GPC5: variants seen among roughly 807,000 people sequenced by gnomAD.
The protein encoded by GPC5 is glypican 5.
A neutral mutation model predicts 53.9 loss-of-function variants in GPC5; 47 were observed. The observed-to-expected ratio is 0.87, with a 90% CI of 0.69 to 1.11. The LOEUF is 1.11. GPC5 is among the 50% of genes most tolerant of loss of function. GPC5 has a pLI of 0.00. For missense variants in GPC5, 748 were observed against 713.1 expected, an observed-to-expected ratio of 1.05 and a Z score of -0.56; for synonymous variants, 286 against 263.3, an observed-to-expected ratio of 1.09 and a Z score of -0.84.
At chr13:92,664,028 C>T (rs1252348288) in intron 7 of GPC5, among the ~76,000 whole-genome samples, 3 of 150,806 alleles carry the variant, frequency 2.0e-5, no homozygotes, top group African/African-American at 7.3e-5. Context: ...GCCGAGATTG[C>T]GCCACTGCAC....
At chr13:91,700,494 A>T (rs1005926174) in intron 3 of GPC5, among the ~76,000 whole-genome samples, 1 of 152,208 alleles carries the variant, frequency 6.6e-6, no homozygotes, top group African/African-American at 2.4e-5. Context: ...ATCTGAGCAG[A>T]GGCCTCCTAG....
At chr13:92,316,301 A>G (rs1356944452) in intron 7 of GPC5, among the ~76,000 whole-genome samples, 3 of 152,200 alleles carry the variant, frequency 2.0e-5, no homozygotes, top group Non-Finnish European at 4.4e-5. Context: ...AACTAAGTAT[A>G]AAATAATTGA....
chr13:91,438,115 TC>T (rs1447911616), intron 1 of GPC5, among the ~76,000 whole-genome samples: 1 of 152,092 alleles, frequency 6.6e-6, no homozygotes, highest in Non-Finnish European at 1.5e-5. Context: ...TCGAACTTCC[TC>T]CTTTAGCTTG....
At chr13:92,722,682 C>G (rs1033692735) in intron 7 of GPC5, among the ~76,000 whole-genome samples, 4 of 151,646 alleles carry the variant, frequency 2.6e-5, no homozygotes, top group African/African-American at 9.7e-5. Context: ...TAGGCAGGTC[C>G]TTATTATAAC....
chr13:92,061,699 G>T (rs1421941251), intron 6 of GPC5, among the ~76,000 whole-genome samples: 1 of 151,938 alleles, frequency 6.6e-6, no homozygotes. Flanking sequence ...CAGTCATGCT[G>T]TCTTGGGGAA....
intron 7 of GPC5, among the ~76,000 whole-genome samples, chr13:92,343,443 A>G (rs1418996748): frequency 1.3e-5 from 2 of 152,178 alleles, no homozygotes; most frequent in African/African-American, 4.8e-5. Context: ...CTGAAATGGA[A>G]CTGAAATCAC....
At chr13:91,912,451 T>C (rs1395586536) in intron 6 of GPC5, among the ~76,000 whole-genome samples, 1 of 152,136 alleles carries the variant, frequency 6.6e-6, no homozygotes, top group Non-Finnish European at 1.5e-5. Context: ...TAAATATTGA[T>C]ACCATTTATA....
At chr13:92,531,909 A>T (rs1881578774) in intron 7 of GPC5, among the ~76,000 whole-genome samples, 1 of 152,172 alleles carries the variant, frequency 6.6e-6, no homozygotes, top group Non-Finnish European at 1.5e-5. Flanking sequence ...GACATTTTTC[A>T]TTTAAAAGTA....
chr13:91,802,883 A>C (rs998576220), intron 5 of GPC5, among the ~76,000 whole-genome samples: 1 of 152,166 alleles, frequency 6.6e-6, no homozygotes, highest in Non-Finnish European at 1.5e-5. Context: ...CCTCACTCAT[A>C]AAAGAAGATA....
At chr13:92,673,476 G>T (rs899411243) in intron 7 of GPC5, among the ~76,000 whole-genome samples, 4 of 151,832 alleles carry the variant, frequency 2.6e-5, no homozygotes, top group Non-Finnish European at 5.9e-5. Flanking sequence ...TAGAGATGGG[G>T]TTTCACCATG....
At chr13:92,311,323 G>T (rs2043143570) in intron 7 of GPC5, among the ~76,000 whole-genome samples, 1 of 152,102 alleles carries the variant, frequency 6.6e-6, no homozygotes. Context: ...CTGCCCTTTA[G>T]GGCCATTTCA....
intron 6 of GPC5, among the ~76,000 whole-genome samples, chr13:91,967,353 A>G (rs1324543703): frequency 3.3e-5 from 5 of 152,142 alleles, no homozygotes; most frequent in African/African-American, 1.2e-4. Flanking sequence ...ACCATATTAC[A>G]TATTTATCTT....
intron 7 of GPC5, among the ~76,000 whole-genome samples, chr13:92,853,857 C>T (rs141264672): frequency 3.9e-5 from 6 of 152,044 alleles, no homozygotes; most frequent in East Asian, 1.9e-4. Context: ...CCAATAGTGC[C>T]GCATCAAAGG....
chr13:91,553,042 A>C (rs1279305496), intron 2 of GPC5, among the ~76,000 whole-genome samples: 1 of 152,106 alleles, frequency 6.6e-6, no homozygotes, highest in Non-Finnish European at 1.5e-5. Context: ...ATAATAGTGA[A>C]TATTACAGTT....
intron 2 of GPC5, among the ~76,000 whole-genome samples, chr13:91,646,671 A>C (rs546237648): frequency 1.3e-5 from 2 of 152,302 alleles, no homozygotes; most frequent in South Asian, 4.1e-4. Flanking sequence ...CTGATACATA[A>C]AAGACATAGA....
At chr13:91,612,302 A>G (rs141162128) in intron 2 of GPC5, among the ~76,000 whole-genome samples, 1 of 152,320 alleles carries the variant, frequency 6.6e-6, no homozygotes, top group Non-Finnish European at 1.5e-5. Context: ...TTAATGCTAT[A>G]GTAAATTATA....
chr13:92,229,247 C>A (rs2042512121), intron 7 of GPC5, among the ~76,000 whole-genome samples: 1 of 152,054 alleles, frequency 6.6e-6, no homozygotes, highest in Non-Finnish European at 1.5e-5. Context: ...TTATTTGATT[C>A]ATTGAACTAA....
At chr13:91,866,030 G>C (rs1173966301) in intron 5 of GPC5, among the ~76,000 whole-genome samples, 2 of 152,150 alleles carry the variant, frequency 1.3e-5, no homozygotes, top group Admixed American at 6.6e-5. Flanking sequence ...ACCATGTCCA[G>C]CTAATTTTGT....
intron 6 of GPC5, among the ~76,000 whole-genome samples, chr13:92,038,431 A>G (rs1322292899): frequency 6.6e-6 from 1 of 150,886 alleles, no homozygotes. Context: ...GGGATGTTCA[A>G]CTCTGTATAG....
Sources: gnomAD v4.1 joint callset for allele counts (sites outside exome capture counted in the v4.1 genomes callset) on GRCh38, gnomAD v4.1.1 for gene constraint, MANE v1.5 for transcripts, NCBI Gene and HGNC (gene_info 2026-07-23, HGNC 2026-07-21) for gene names.